IGF1R: variants seen among roughly 807,000 people sequenced by gnomAD.
IGF1R encodes insulin like growth factor 1 receptor.
Under a neutral mutation model 144.6 loss-of-function variants are expected in IGF1R, and 44 were observed. That is an observed-to-expected ratio of 0.30 (90% CI 0.24 to 0.39). IGF1R has a LOEUF of 0.39. Ranked by LOEUF, IGF1R falls within the 10% of genes least tolerant of loss-of-function variation. The pLI, the probability that IGF1R is intolerant of heterozygous loss-of-function variation, is 1.00. For missense variants in IGF1R, 1,355 were observed against 1,833.7 expected (o/e 0.74, Z 4.77); for synonymous variants, 795 against 722.8 (o/e 1.10, Z -1.60).
At chr15:98,829,773 T>C (rs1033457076) in intron 2 of IGF1R, among the ~76,000 whole-genome samples, 2 of 152,218 alleles carry the variant, frequency 1.3e-5, no homozygotes, top group Non-Finnish European at 2.9e-5. Flanking sequence ...AAAATAATTT[T>C]AATGTGCAAA....
chr15:98,892,821 G>C (rs1217961847), intron 3 of IGF1R, among the ~76,000 whole-genome samples: 2 of 152,110 alleles, frequency 1.3e-5, no homozygotes, highest in Admixed American at 6.6e-5. Flanking sequence ...TTCAAGACCA[G>C]CCTGGGCAAC....
intron 20 of IGF1R, among the ~76,000 whole-genome samples, chr15:98,954,747 G>T (rs2016912453): frequency 6.6e-6 from 1 of 152,170 alleles, no homozygotes; most frequent in South Asian, 2.1e-4. Flanking sequence ...TCACAGCCCA[G>T]GCATTTCATG....
chr15:98,955,891 C>T (rs2016959877), intron 20 of IGF1R, among the ~76,000 whole-genome samples: 1 of 152,218 alleles, frequency 6.6e-6, no homozygotes, highest in South Asian at 2.1e-4. Flanking sequence ...GGAAAAGCAT[C>T]TCTTTAGCCA....
chr15:98,942,810 G>T, intron 18 of IGF1R, 113 bp from the exon 19 acceptor site: 1 of 1,379,674 alleles, frequency 7.2e-7, no homozygotes, highest in Non-Finnish European at 1.0e-6. Flanking sequence ...AAAGTGGGAC[G>T]TGTCTGTGTC....
At chr15:98,674,214 C>A (rs958896090) in intron 1 of IGF1R, among the ~76,000 whole-genome samples, 2 of 152,106 alleles carry the variant, frequency 1.3e-5, no homozygotes, top group Admixed American at 6.6e-5. Flanking sequence ...GTTAGACATA[C>A]CCAAAAGGCA....
At chr15:98,700,972 G>T (rs570634533) in intron 1 of IGF1R, among the ~76,000 whole-genome samples, 1 of 151,786 alleles carries the variant, frequency 6.6e-6, no homozygotes, top group Admixed American at 6.6e-5. Context: ...TTCTGCCTTC[G>T]TTGTGCAAAA....
chr15:98,875,349 C>CTTTTTTTTTTTTTTT (rs34303390), intron 2 of IGF1R, among the ~76,000 whole-genome samples: 3 of 130,202 alleles, frequency 2.3e-5, no homozygotes, highest in Non-Finnish European at 4.9e-5. Flanking sequence ...CTTTTCTTTT[C>CTTTTTTTTTTTTTTT]TTTTTTTTTT....
At chr15:98,757,251 T>A (rs2055177909) in intron 2 of IGF1R, among the ~76,000 whole-genome samples, 1 of 152,024 alleles carries the variant, frequency 6.6e-6, no homozygotes, top group Non-Finnish European at 1.5e-5. Flanking sequence ...GCAGCCTCTG[T>A]CTCCTGGATT....
intron 15 of IGF1R, among the ~76,000 whole-genome samples, chr15:98,933,018 A>C (rs1188792049): frequency 6.6e-6 from 1 of 152,214 alleles, no homozygotes; most frequent in Non-Finnish European, 1.5e-5. Flanking sequence ...CCACAGGCCC[A>C]GGGTCAGCAT....
chr15:98,802,458 TAC>T (rs2056383112), intron 2 of IGF1R, among the ~76,000 whole-genome samples: 1 of 152,172 alleles, frequency 6.6e-6, no homozygotes, highest in Non-Finnish European at 1.5e-5. Context: ...CATTGAACCC[TAC>T]AGTCTTGGCC....
chr15:98,815,114 A>G (rs1021207761), intron 2 of IGF1R, among the ~76,000 whole-genome samples: 2 of 152,270 alleles, frequency 1.3e-5, no homozygotes, highest in African/African-American at 4.8e-5. Context: ...AAAAACAGGA[A>G]TATTTTCAGT....
intron 2 of IGF1R, among the ~76,000 whole-genome samples, chr15:98,811,176 C>G (rs2056581709): frequency 6.6e-6 from 1 of 151,930 alleles, no homozygotes; most frequent in South Asian, 2.1e-4. Context: ...TGGCACATGC[C>G]TATAATACCA....
intron 1 of IGF1R, among the ~76,000 whole-genome samples, chr15:98,658,015 T>A (rs1427966112): frequency 6.6e-6 from 1 of 152,132 alleles, no homozygotes; most frequent in Non-Finnish European, 1.5e-5. Flanking sequence ...ACTTGCCAGC[T>A]CCAAATACTC....
intron 2 of IGF1R, among the ~76,000 whole-genome samples, chr15:98,725,162 C>T (rs753294100): frequency 5.9e-5 from 9 of 152,152 alleles, no homozygotes; most frequent in Admixed American, 2.0e-4. Flanking sequence ...TGAGGGGATT[C>T]GTGCAGTTTG....
intron 2 of IGF1R, among the ~76,000 whole-genome samples, chr15:98,721,271 A>G (rs1224341607): frequency 1.3e-5 from 2 of 152,074 alleles, no homozygotes; most frequent in Non-Finnish European, 2.9e-5. Context: ...GTTTCTCTGT[A>G]CTTTTTATCA....
chr15:98,739,452 A>G (rs932408899), intron 2 of IGF1R, among the ~76,000 whole-genome samples: 2 of 152,160 alleles, frequency 1.3e-5, no homozygotes, highest in South Asian at 4.2e-4. Context: ...CAAAATTGCA[A>G]ACTGATCAAA....
At chr15:98,847,293 T>A (rs1218654117) in intron 2 of IGF1R, among the ~76,000 whole-genome samples, 1 of 152,156 alleles carries the variant, frequency 6.6e-6, no homozygotes, top group Non-Finnish European at 1.5e-5. Flanking sequence ...AGTCCACTCT[T>A]TACAGGGGGG....
chr15:98,733,938 C>T (rs1341320280), intron 2 of IGF1R, among the ~76,000 whole-genome samples: 4 of 152,124 alleles, frequency 2.6e-5, no homozygotes, highest in African/African-American at 9.7e-5. Context: ...ATAACAGGAG[C>T]TGATATTACA....
At chr15:98,731,701 T>A (rs1271583380) in intron 2 of IGF1R, among the ~76,000 whole-genome samples, 1 of 152,198 alleles carries the variant, frequency 6.6e-6, no homozygotes, top group Non-Finnish European at 1.5e-5. Context: ...TTCACGCTAC[T>A]GAACCCCAGG....
Sources: gnomAD v4.1 joint callset for allele counts (sites outside exome capture counted in the v4.1 genomes callset) on GRCh38, gnomAD v4.1.1 for gene constraint, MANE v1.5 for transcripts, NCBI Gene and HGNC (gene_info 2026-07-23, HGNC 2026-07-21) for gene names.